DACH2: variants seen among roughly 807,000 people sequenced by gnomAD.
DACH2 encodes the protein dachshund homolog 2.
In DACH2, 17 loss-of-function variants were observed where a neutral mutation model predicts 35.8. The observed-to-expected ratio is 0.48, with a 90% CI of 0.33 to 0.71. The LOEUF is 0.71. Ranked by LOEUF, DACH2 falls within the 30% of genes least tolerant of loss-of-function variation. DACH2 has a pLI of 0.02. For synonymous variants in DACH2, 195 were observed against 177.3 expected (o/e 1.10, Z -0.79); for missense variants, 469 against 472.7 (o/e 0.99, Z 0.07).
At chrX:86,653,535 T>C (rs1047836020) in intron 4 of DACH2, among the ~76,000 whole-genome samples, 2 of 111,552 alleles carry the variant, frequency 1.8e-5, no homozygotes, top group Non-Finnish European at 3.8e-5. Context: ...TTAACAATAT[T>C]GATTCTTCCT....
intron 2 of DACH2, 67 bp downstream of exon 2, chrX:86,376,929 C>A: frequency 2.0e-6 from 1 of 493,205 alleles, no homozygotes; most frequent in Non-Finnish European, 3.5e-6. Context: ...ACAGATTCAG[C>A]CACACTTTCA....
At chrX:86,508,666 G>A (rs2038358546) in intron 2 of DACH2, among the ~76,000 whole-genome samples, 1 of 111,796 alleles carries the variant, frequency 8.9e-6, no homozygotes. Context: ...TCATACACTA[G>A]CATTTATGTT....
chrX:86,152,353 G>A (rs757607743), intron 1 of DACH2, among the ~76,000 whole-genome samples: 1 of 110,867 alleles, frequency 9.0e-6, no homozygotes, highest in South Asian at 3.9e-4. Context: ...CATTTTCAAA[G>A]ACCTTAAGGT....
At chrX:86,481,728 T>C (rs2037938716) in intron 2 of DACH2, 1 of 112,003 alleles carries the variant, frequency 8.9e-6, no homozygotes, top group Admixed American at 9.5e-5. Flanking sequence ...GGACCTGAAA[T>C]GAATCTGGAA....
At chrX:86,820,030 A>T (rs918701619) in intron 11 of DACH2, among the ~76,000 whole-genome samples, 116 of 111,870 alleles carry the variant, frequency 1.0e-3, no homozygotes, top group African/African-American at 3.6e-3. Flanking sequence ...AAAACAGAAT[A>T]TGAAGCTCCT....
At chrX:86,796,793 T>C (rs1442657151) in intron 7 of DACH2, among the ~76,000 whole-genome samples, 1 of 111,807 alleles carries the variant, frequency 8.9e-6, no homozygotes, top group African/African-American at 3.3e-5. Flanking sequence ...TAAAGAAGTA[T>C]CATTGGCTCT....
chrX:86,663,395 A>G (rs748647417), intron 4 of DACH2, among the ~76,000 whole-genome samples: 103 of 112,046 alleles, frequency 9.2e-4, no homozygotes, highest in African/African-American at 3.1e-3. Context: ...TGCCATTGCC[A>G]TCTCTTAGGA....
chrX:86,748,672 C>T (rs1602892375), intron 7 of DACH2, among the ~76,000 whole-genome samples: 4 of 111,531 alleles, frequency 3.6e-5, no homozygotes, highest in African/African-American at 3.3e-5. Context: ...TTAAGAATTA[C>T]AGGGTTTTTA....
chrX:86,772,980 C>T (rs1296557451), intron 7 of DACH2, among the ~76,000 whole-genome samples: 1 of 111,535 alleles, frequency 9.0e-6, no homozygotes, highest in Non-Finnish European at 1.9e-5. Context: ...CGTGGAAGTA[C>T]CTGAACCACA....
intron 7 of DACH2, among the ~76,000 whole-genome samples, chrX:86,751,801 G>T (rs767444586): frequency 9.0e-6 from 1 of 111,506 alleles, no homozygotes; most frequent in South Asian, 3.7e-4. Flanking sequence ...TGTTTATTGC[G>T]GTGCTATTCA....
intron 2 of DACH2, among the ~76,000 whole-genome samples, chrX:86,395,836 G>C (rs1205929285): frequency 1.8e-5 from 2 of 111,527 alleles, no homozygotes; most frequent in African/African-American, 6.5e-5. Context: ...TGAATAGTGT[G>C]GCAATAAACA....
intron 4 of DACH2, among the ~76,000 whole-genome samples, chrX:86,673,744 G>A (rs146983762): frequency 0.019 from 2,105 of 111,699 alleles, 22 homozygotes; most frequent in Middle Eastern, 0.033. Context: ...CTCCTGTTGA[G>A]TTGTCATTCC....
intron 2 of DACH2, among the ~76,000 whole-genome samples, chrX:86,420,993 A>G (rs1038788811): frequency 5.3e-4 from 59 of 111,396 alleles, no homozygotes; most frequent in African/African-American, 1.7e-3. Flanking sequence ...AAGAGTTTTC[A>G]GGAACTGATG....
chrX:86,250,227 A>T (rs745667756), intron 1 of DACH2, among the ~76,000 whole-genome samples: 5 of 111,253 alleles, frequency 4.5e-5, no homozygotes, highest in Non-Finnish European at 7.6e-5. Flanking sequence ...GAAAAGAAAA[A>T]CTCACTGTGA....
At chrX:86,227,622 C>CTT (rs375257145) in intron 1 of DACH2, among the ~76,000 whole-genome samples, 12 of 101,913 alleles carry the variant, frequency 1.2e-4, no homozygotes, top group African/African-American at 4.3e-4. Flanking sequence ...CTGATAGATT[C>CTT]TTTTTTTTTT....
At chrX:86,560,639 G>T (rs2039204460) in intron 3 of DACH2, among the ~76,000 whole-genome samples, 2 of 86,630 alleles carry the variant, frequency 2.3e-5, no homozygotes, top group Non-Finnish European at 2.2e-5. Context: ...AGAAAAACAA[G>T]CAATGGGGAA....
At chrX:86,245,039 G>A (rs2033249023) in intron 1 of DACH2, among the ~76,000 whole-genome samples, 1 of 112,011 alleles carries the variant, frequency 8.9e-6, no homozygotes, top group Non-Finnish European at 1.9e-5. Context: ...AGGCAGGACT[G>A]TAAGAACAAC....
chrX:86,702,689 T>A (rs2041157621), intron 5 of DACH2, among the ~76,000 whole-genome samples: 1 of 111,504 alleles, frequency 9.0e-6, no homozygotes, highest in Non-Finnish European at 1.9e-5. Flanking sequence ...AATGAATGAA[T>A]TCCTGGAAAC....
intron 9 of DACH2, among the ~76,000 whole-genome samples, 169 bp downstream of exon 9, chrX:86,813,446 CAA>C (rs1182157047): frequency 4.0e-5 from 3 of 75,616 alleles, no homozygotes; most frequent in African/African-American, 4.7e-5. Context: ...ACTAAAAATA[CAA>C]AAAAAAAAAA....
Sources: allele counts gnomAD v4.1 joint callset (sites outside exome capture counted in the v4.1 genomes callset), GRCh38; gene constraint gnomAD v4.1.1; transcripts MANE v1.5; gene names NCBI Gene and HGNC (gene_info 2026-07-23, HGNC 2026-07-21).